FSHR: variants seen among roughly 807,000 people sequenced by gnomAD.
FSHR encodes follicle-stimulating hormone receptor.
FSHR carries 46 observed loss-of-function variants against 52.1 expected under a neutral mutation model. The ratio of observed to expected loss-of-function variants is 0.88; its 90% CI spans 0.70 to 1.13. The LOEUF is 1.13. Ranked by LOEUF, FSHR falls within the 50% of genes most tolerant of loss-of-function variation. The pLI, the probability that FSHR is intolerant of heterozygous loss-of-function variation, is 0.00. For synonymous variants in FSHR, 399 were observed against 309.6 expected (o/e 1.29, Z -3.03); for missense variants, 964 against 834.6 (o/e 1.16, Z -1.91).
rs573245321 is a variant in FSHR at position 48,975,829 on chromosome 2, A to G, written c.669-6946T>C. Among the ~76,000 whole-genome samples, 470 of 152,248 alleles carry G rather than the reference A, an allele frequency of 3.1e-3. 6 individuals are homozygous for G. Among genetic ancestry groups the G allele is most frequent in the African/African-American group, 0.011 (455 of 41,532 alleles). On this transcript the variant is annotated intron_variant, in intron 8 of 9. Transcript: ENST00000406846. ...ATAGGAATGCTTGTGATTTTTGCAC[A>G]TTGATTTTGTATCCTGAGACTTTGC...
intron 1 of FSHR, among the ~76,000 whole-genome samples, chr2:49,081,237 A>G (rs1201294879): frequency 6.6e-6 from 1 of 152,168 alleles, no homozygotes; most frequent in Non-Finnish European, 1.5e-5. Flanking sequence ...TTAAAACAGG[A>G]TTAAAGATGC....
chr2:49,129,451 G>T (rs1393815233), intron 1 of FSHR, among the ~76,000 whole-genome samples: 1 of 152,190 alleles, frequency 6.6e-6, no homozygotes, highest in Non-Finnish European at 1.5e-5. Flanking sequence ...GTGTATTTCT[G>T]ATTCTGATAG....
At chr2:49,083,691 A>C (rs975450377) in intron 1 of FSHR, among the ~76,000 whole-genome samples, 10 of 150,218 alleles carry the variant, frequency 6.7e-5, no homozygotes, top group African/African-American at 2.0e-4. Flanking sequence ...CAGGGGTTGC[A>C]ATCCTAGTCT....
intron 1 of FSHR, among the ~76,000 whole-genome samples, chr2:49,078,946 T>A (rs997735406): frequency 1.1e-4 from 16 of 152,130 alleles, no homozygotes; most frequent in Admixed American, 6.5e-5. Context: ...ATGTCAGAAT[T>A]ACTGATGAAA....
rs568346941 is a variant in FSHR at position 49,082,035 on chromosome 2, G to A, written c.153-13745C>T. 7.9e-5 allele frequency among the ~76,000 whole-genome samples: 12 copies of A among 152,290 alleles called. 1 individual carries two copies. In the South Asian group the frequency reaches 1.2e-3, roughly 16 times the overall value. Reference sequence around the variant, plus strand: ...GTTAGGCGGAGGAGCCAAGATGGCCGAATAGGAACAGCTCCAGTCTACAGC... The same window carrying A: ...GTTAGGCGGAGGAGCCAAGATGGCCAAATAGGAACAGCTCCAGTCTACAGC... On this transcript the variant is annotated intron_variant, in intron 1 of 9. Transcript: ENST00000406846.
chr2:49,045,762 C>CT (rs998624840), intron 2 of FSHR, among the ~76,000 whole-genome samples: 4 of 152,236 alleles, frequency 2.6e-5, no homozygotes, highest in African/African-American at 7.2e-5. Context: ...CTAAAACATC[C>CT]TTTTTTTCCC....
intron 1 of FSHR, among the ~76,000 whole-genome samples, chr2:49,127,847 CTTCT>C (rs1558456819): frequency 8.4e-5 from 2 of 23,844 alleles, no homozygotes; most frequent in African/African-American, 3.7e-4. Context: ...TCTTCTTCTT[CTTCT>C]TCTTCTTCTT....
chr2:49,004,103 C>T (rs1667000076), intron 4 of FSHR, among the ~76,000 whole-genome samples: 1 of 152,128 alleles, frequency 6.6e-6, no homozygotes, highest in Non-Finnish European at 1.5e-5. Context: ...CTGTCTGTGC[C>T]CCAGGCAGGC....
chr2:49,152,770 G>T (rs1673109250), intron 1 of FSHR, among the ~76,000 whole-genome samples: 1 of 152,152 alleles, frequency 6.6e-6, no homozygotes, highest in South Asian at 2.1e-4. Flanking sequence ...ATATCTTTTA[G>T]TGTTCACAAC....
chr2:49,142,514 T>C (rs1672723302), intron 1 of FSHR, among the ~76,000 whole-genome samples: 1 of 152,156 alleles, frequency 6.6e-6, no homozygotes, highest in Non-Finnish European at 1.5e-5. Flanking sequence ...AGGAAAGATA[T>C]TTTGTCTGTT....
intron 1 of FSHR, among the ~76,000 whole-genome samples, chr2:49,101,278 G>C (rs1391263868): frequency 1.3e-5 from 2 of 152,256 alleles, no homozygotes; most frequent in East Asian, 3.9e-4. Context: ...CCAGTTGTGA[G>C]AGACTCAAAC....
chr2:49,047,860 A>C (rs1668715689), intron 2 of FSHR, among the ~76,000 whole-genome samples: 1 of 152,124 alleles, frequency 6.6e-6, no homozygotes, highest in Non-Finnish European at 1.5e-5. Context: ...CACATATCAA[A>C]ACTTCAGGTT....
intron 5 of FSHR, among the ~76,000 whole-genome samples, chr2:48,989,970 C>T (rs1008482485): frequency 3.9e-5 from 6 of 152,112 alleles, no homozygotes; most frequent in Non-Finnish European, 7.4e-5. Context: ...TCTTTCTCTC[C>T]TCCCTCCCTG....
intron 1 of FSHR, among the ~76,000 whole-genome samples, chr2:49,092,895 A>G (rs191640756): frequency 4.6e-5 from 7 of 152,204 alleles, no homozygotes; most frequent in Non-Finnish European, 8.8e-5. Flanking sequence ...CGAACTCCTG[A>G]CCTTAACTAA....
intron 1 of FSHR, among the ~76,000 whole-genome samples, chr2:49,127,329 G>GA (rs56891689): frequency 0.053 from 7,192 of 134,896 alleles, 262 homozygotes; most frequent in Non-Finnish European, 0.079. Flanking sequence ...CTTTGTCTAA[G>GA]AAAAAAAAAA....
chr2:49,073,538 A>G (rs1210393219), intron 1 of FSHR, among the ~76,000 whole-genome samples: 2 of 152,044 alleles, frequency 1.3e-5, no homozygotes, highest in Non-Finnish European at 2.9e-5. Flanking sequence ...CACTAATAAA[A>G]GAAATTAAAG....
At chr2:49,123,281 G>A (rs1671882414) in intron 1 of FSHR, among the ~76,000 whole-genome samples, 1 of 152,132 alleles carries the variant, frequency 6.6e-6, no homozygotes, top group Admixed American at 6.5e-5. Flanking sequence ...CGGGCAGATT[G>A]CTCGAGACCA....
At position 48,981,089 on chromosome 2, in the gene FSHR, C is replaced by T. The variant is rs139168943; in HGVS notation, c.668+1823G>A. Among the ~76,000 whole-genome samples, 476 of 152,234 alleles carry T rather than the reference C, an allele frequency of 3.1e-3. 6 individuals carry two copies. Among genetic ancestry groups the T allele is most frequent in the African/African-American group, 0.011 (461 of 41,524 alleles). ...TACTTGTCAAAATTCATTTGTCTCC[C>T]GAGTACTCTAAGAACAGGGTACATG... On this transcript the variant is annotated intron_variant, in intron 8 of 9. Coordinates refer to ENST00000406846, the MANE Select transcript of FSHR (RefSeq NM_000145.4).
At chr2:49,049,871 AAAAG>A (rs1668793411) in intron 2 of FSHR, among the ~76,000 whole-genome samples, 9 of 151,028 alleles carry the variant, frequency 6.0e-5, no homozygotes, top group African/African-American at 1.2e-4. Context: ...AAACCCAAAT[AAAAG>A]AAAGAAGCAA....
Sources: gnomAD v4.1 joint callset for allele counts (sites outside exome capture counted in the v4.1 genomes callset) on GRCh38, gnomAD v4.1.1 for gene constraint, MANE v1.5 for transcripts, NCBI Gene and HGNC (gene_info 2026-07-23, HGNC 2026-07-21) for gene names.